MAST4: variants seen among roughly 807,000 people sequenced by gnomAD.
The protein encoded by MAST4 is microtubule-associated serine/threonine-protein kinase 4.
Under a neutral mutation model 162.7 loss-of-function variants are expected in MAST4, and 89 were observed. The ratio of observed to expected loss-of-function variants is 0.55; its 90% CI spans 0.46 to 0.65. The LOEUF (loss-of-function observed/expected upper bound fraction) is 0.65, where lower values mean the gene tolerates loss of function less well. Among genes scored for constraint, MAST4 ranks in the 30% least tolerant of loss-of-function variants. The pLI, the probability that MAST4 is intolerant of heterozygous loss-of-function variation, is 0.00. For missense variants in MAST4, 3,153 were observed against 3,374.0 expected (o/e 0.93, Z 1.62); for synonymous variants, 1,479 against 1,361.1 (o/e 1.09, Z -1.91).
chr5:66,712,497 T>G (rs1043346552), intron 1 of MAST4, among the ~76,000 whole-genome samples: 3 of 152,234 alleles, frequency 2.0e-5, no homozygotes, highest in Admixed American at 2.0e-4. Flanking sequence ...CTTATTTGTC[T>G]TATTTTATCA....
chr5:67,005,984 A>G (rs1015980197), intron 4 of MAST4, among the ~76,000 whole-genome samples: 3 of 152,378 alleles, frequency 2.0e-5, no homozygotes, highest in African/African-American at 4.8e-5. Flanking sequence ...CACAATCTCT[A>G]TGCTTCAGTG....
intron 3 of MAST4, among the ~76,000 whole-genome samples, chr5:66,863,889 G>C (rs1760294272): frequency 6.6e-6 from 1 of 152,152 alleles, no homozygotes. Context: ...CCTAGGGGTG[G>C]AAAAAGAGCC....
chr5:66,704,569 C>T (rs4308443), intron 1 of MAST4, among the ~76,000 whole-genome samples: 40,068 of 143,090 alleles, frequency 0.28, 5,929 homozygotes, highest in East Asian at 0.56. Flanking sequence ...GGCACGATCT[C>T]GGCTCACTGC....
At chr5:67,046,160 A>G (rs972133940) in intron 4 of MAST4, among the ~76,000 whole-genome samples, 6 of 152,062 alleles carry the variant, frequency 3.9e-5, no homozygotes, top group African/African-American at 1.4e-4. Context: ...TCTACCATCT[A>G]GGTTTGTGTA....
At chr5:66,942,098 T>A (rs1013108573) in intron 4 of MAST4, among the ~76,000 whole-genome samples, 1 of 152,094 alleles carries the variant, frequency 6.6e-6, no homozygotes, top group African/African-American at 2.4e-5. Context: ...AAATGTGACA[T>A]AGAGGCATGA....
chr5:66,634,120 T>G (rs1744951586), intron 1 of MAST4, among the ~76,000 whole-genome samples: 1 of 152,200 alleles, frequency 6.6e-6, no homozygotes, highest in Non-Finnish European at 1.5e-5. Flanking sequence ...AGTCCAGTGG[T>G]GCAATCTTGG....
intron 4 of MAST4, among the ~76,000 whole-genome samples, chr5:67,010,968 T>C (rs1752598105): frequency 6.6e-6 from 1 of 152,186 alleles, no homozygotes; most frequent in Non-Finnish European, 1.5e-5. Flanking sequence ...TGCACATTCG[T>C]GGCTGGCCCG....
intron 1 of MAST4, among the ~76,000 whole-genome samples, chr5:66,679,556 C>T (rs1272896668): frequency 6.6e-6 from 1 of 152,132 alleles, no homozygotes; most frequent in African/African-American, 2.4e-5. Flanking sequence ...AGATTTTTCC[C>T]TTCTTCATTT....
At chr5:66,968,809 G>T (rs984761288) in intron 4 of MAST4, among the ~76,000 whole-genome samples, 2 of 152,132 alleles carry the variant, frequency 1.3e-5, no homozygotes, top group African/African-American at 4.8e-5. Context: ...CAATTATCTA[G>T]GACAAAGTAG....
At chr5:66,814,055 T>G (rs896377212) in intron 3 of MAST4, among the ~76,000 whole-genome samples, 10 of 152,162 alleles carry the variant, frequency 6.6e-5, no homozygotes, top group African/African-American at 1.9e-4. Context: ...GGGGGACCTG[T>G]GTGGGTTAAG....
At chr5:66,760,621 G>A (rs565888510) in intron 2 of MAST4, among the ~76,000 whole-genome samples, 2 of 152,240 alleles carry the variant, frequency 1.3e-5, no homozygotes, top group East Asian at 3.9e-4. Flanking sequence ...TTATCAAGGG[G>A]TTTACATTAA....
At chr5:67,043,119 T>C (rs1756968875) in intron 4 of MAST4, among the ~76,000 whole-genome samples, 1 of 152,300 alleles carries the variant, frequency 6.6e-6, no homozygotes, top group East Asian at 1.9e-4. Context: ...AAAGAAGTGG[T>C]CCTTGGGTCC....
intron 5 of MAST4, among the ~76,000 whole-genome samples, chr5:67,083,075 A>G (rs1762852093): frequency 1.3e-5 from 2 of 152,202 alleles, no homozygotes; most frequent in Non-Finnish European, 2.9e-5. Context: ...ATAAATATCT[A>G]CAGGCCAAGA....
At chr5:67,006,423 A>G (rs551628765) in intron 4 of MAST4, among the ~76,000 whole-genome samples, 2 of 152,358 alleles carry the variant, frequency 1.3e-5, no homozygotes, top group Admixed American at 6.5e-5. Context: ...CCAAACCTCC[A>G]AGACAACTAA....
chr5:66,847,286 G>A (rs1290782686), intron 3 of MAST4, among the ~76,000 whole-genome samples: 2 of 152,246 alleles, frequency 1.3e-5, no homozygotes, highest in East Asian at 3.9e-4. Flanking sequence ...CCCATTACTG[G>A]GACTGCTGAG....
chr5:66,647,181 G>A (rs999301686), intron 1 of MAST4, among the ~76,000 whole-genome samples: 1 of 152,068 alleles, frequency 6.6e-6, no homozygotes. Flanking sequence ...CTAAACACTT[G>A]GGATGTTTTT....
chr5:66,759,740 C>A lies in MAST4; in HGVS notation c.395C>A (p.Pro132Gln). The A allele has an allele frequency of 6.2e-7, 1 of 1,613,952 alleles. No individual in the cohort carries two copies. The highest frequency in any genetic ancestry group is 8.5e-7 in the Non-Finnish European group (1 of 1,179,846). ...CACATATTATCCCCTCCACCCATGC[C>A]GTTTCGGAAATGCAGCAACCCAGAT... The part of the protein sequence containing the change: ...LDHILSPPPM[P>Q]FRKCSNPDVA... The change falls in exon 2 of 29, where the codon CCG becomes CAG. Residue 132 changes from proline (P) to glutamine (Q), a missense_variant. Pro to Gln is a moderately conservative substitution (Grantham distance 76, BLOSUM62 -1). This residue lies in a region of MAST4 where 327 missense variants were observed against 336.5 expected (regional missense o/e 0.97). Transcript: ENST00000403625.
chr5:66,626,630 T>G (rs1000358326), intron 1 of MAST4, among the ~76,000 whole-genome samples: 3 of 152,236 alleles, frequency 2.0e-5, no homozygotes, highest in African/African-American at 7.2e-5. Context: ...AGTAATGATT[T>G]AAAGACTGTA....
intron 10 of MAST4, among the ~76,000 whole-genome samples, chr5:67,105,045 G>A (rs1765445573): frequency 1.3e-5 from 2 of 152,156 alleles, no homozygotes; most frequent in African/African-American, 4.8e-5. Flanking sequence ...TTTCATTAGT[G>A]TCAGTTCTTC....
Sources: allele counts gnomAD v4.1 joint callset (sites outside exome capture counted in the v4.1 genomes callset), GRCh38; gene constraint gnomAD v4.1.1; regional missense constraint gnomAD v4.1.1; transcripts MANE v1.5; gene names NCBI Gene and HGNC (gene_info 2026-07-23, HGNC 2026-07-21).